Variants in CCDC61 observed in about 807,000 individuals in gnomAD.
The protein encoded by CCDC61 is centrosomal protein CCDC61.
Under a neutral mutation model 63.0 loss-of-function variants are expected in CCDC61, and 55 were observed. The ratio of observed to expected loss-of-function variants is 0.87; its 90% CI spans 0.70 to 1.09. The LOEUF (loss-of-function observed/expected upper bound fraction) is 1.09, where lower values mean the gene tolerates loss of function less well. Ranked by LOEUF, CCDC61 falls within the 50% of genes least tolerant of loss-of-function variation. The pLI is 0.00. For synonymous variants in CCDC61, 270 were observed against 317.0 expected (o/e 0.85, Z 1.58); for missense variants, 651 against 731.4 (o/e 0.89, Z 1.27).
intron 5 of CCDC61, among the ~76,000 whole-genome samples, chr19:46,010,604 C>T (rs915185567): frequency 2.8e-4 from 42 of 152,148 alleles, no homozygotes; most frequent in Admixed American, 6.5e-5. Context: ...GTCAGATGGG[C>T]AGGGGCTGAA....
chr19:46,002,907 A>T, intron 1 of CCDC61, 101 bp from the exon 2 acceptor site: 1 of 1,174,030 alleles, frequency 8.5e-7, no homozygotes, highest in Non-Finnish European at 1.2e-6. Flanking sequence ...CCAGGATGCC[A>T]CAGCTGGTAA....
At position 46,004,732 on chromosome 19, in the gene CCDC61, T is replaced by C. The variant is rs1245813949; in HGVS notation, c.231+1231T>C. ...CTCCTGCCTTGGCTTCCCAAAGTGT[T>C]GCAATTACAAGCGTGAGCCACCGTG... On this transcript the variant is annotated intron_variant, in intron 3 of 13. Coordinates refer to ENST00000595358, the MANE Select transcript of CCDC61 (RefSeq NM_001267723.2). Among the ~76,000 whole-genome samples the C allele has an allele frequency of 3.9e-5, 6 of 151,986 alleles. No individual in the cohort carries two copies. In the East Asian group the frequency reaches 1.2e-3, roughly 29 times the overall value.
intron 12 of CCDC61, 60 bp downstream of exon 12, chr19:46,017,364 C>G: frequency 6.8e-7 from 1 of 1,473,830 alleles, no homozygotes; most frequent in Non-Finnish European, 9.2e-7. Context: ...CCTGTGATTC[C>G]TTCCTGGGGA....
intron 12 of CCDC61, 143 bp downstream of exon 12, chr19:46,017,447 T>A: frequency 1.5e-6 from 1 of 653,966 alleles, no homozygotes; most frequent in Non-Finnish European, 2.5e-6. Flanking sequence ...TCTTTCAGGC[T>A]GGGGTGCAGT....
Position 46,006,821 on chromosome 19 carries a change from A to T in CCDC61, c.389+105A>T. On this transcript the variant is annotated intron_variant, in intron 4 of 13. Transcript: ENST00000595358. ...GCACCCAGGCAAGGTGATATTGGTTAAGCCTTGCCTTGGGAATCTTCCCTG... is the reference window on the plus strand; with the variant it reads ...GCACCCAGGCAAGGTGATATTGGTTTAGCCTTGCCTTGGGAATCTTCCCTG... The T allele has an allele frequency of 6.5e-6, 7 of 1,075,750 alleles. No individual in the cohort carries two copies. The South Asian group carries it at 8.2e-5, about 13-fold the overall frequency. 66.6% of individuals were successfully genotyped at this position (1,075,750 alleles called of 1,614,324 possible).
intron 5 of CCDC61, among the ~76,000 whole-genome samples, chr19:46,008,750 G>T (rs1968767512): frequency 1.3e-5 from 2 of 152,108 alleles, no homozygotes. Flanking sequence ...GTGGTGCTGG[G>T]GACATAGTGG....
chr19:46,014,915 CA>C (rs1035883855), intron 5 of CCDC61, 133 bp from the exon 6 acceptor site: 2 of 688,158 alleles, frequency 2.9e-6, no homozygotes, highest in South Asian at 2.2e-5. Flanking sequence ...TGCCCCTCCC[CA>C]TGGGGTCAGT....
chr19:46,017,084 T>C lies in CCDC61; in HGVS notation c.1310+15T>C. On this transcript the variant is annotated intron_variant, in intron 11 of 13. Transcript: ENST00000595358. ...CTCTCCAGAGGGTAAAACTTGAACT[T>C]GGGAAAAGGATCGCCTCCAAAGGGT... The C allele has an allele frequency of 6.2e-7, 1 of 1,609,574 alleles. No homozygotes were observed. The highest frequency in any genetic ancestry group is 8.5e-7 in the Non-Finnish European group (1 of 1,177,680).
At chr19:45,998,178 G>C (rs1448930317) in intron 1 of CCDC61, among the ~76,000 whole-genome samples, 1 of 152,212 alleles carries the variant, frequency 6.6e-6, no homozygotes, top group East Asian at 1.9e-4. Context: ...GCTGAACTAG[G>C]AGGGTCATGT....
At chr19:46,017,814 G>A (rs12461346) in intron 12 of CCDC61, among the ~76,000 whole-genome samples, 50,782 of 151,976 alleles carry the variant, frequency 0.33, 9,704 homozygotes, top group South Asian at 0.54. Context: ...CTTCCCAGCT[G>A]TATGGTTCAA....
chr19:46,004,105 ATT>A (rs1287519255), intron 3 of CCDC61, among the ~76,000 whole-genome samples: 4 of 151,470 alleles, frequency 2.6e-5, no homozygotes, highest in Non-Finnish European at 4.4e-5. Flanking sequence ...TGCCCGGCTA[ATT>A]TTTTGTATTT....
In CCDC61 at chr19:46,015,029, T is replaced by A; in HGVS notation, c.552-20T>A. The A allele has an allele frequency of 6.7e-7, 1 of 1,486,538 alleles. No individual in the cohort carries two copies. Among genetic ancestry groups the A allele is most frequent in the Non-Finnish European group, 8.9e-7 (1 of 1,121,770 alleles). The allele number at this position is 1,486,538 out of a possible 1,614,324, so 92.1% of individuals were successfully genotyped here. On this transcript the variant is annotated intron_variant, in intron 5 of 13. Transcript: ENST00000595358. The surrounding 1 kb of genome is among the most constrained non-coding windows in gnomAD (Gnocchi z 5.3). Reference sequence around the variant, plus strand: ...GGGGCCATGCCTCTCTCTCCAGCGCTCTCTCCGCGTCTTCCCCAGGGTGTC... The same window carrying A: ...GGGGCCATGCCTCTCTCTCCAGCGCACTCTCCGCGTCTTCCCCAGGGTGTC...
At position 46,016,806 on chromosome 19, in the gene CCDC61, A is replaced by G; in HGVS notation, c.1204A>G (p.Asn402Asp). The G allele has an allele frequency of 6.5e-7, 1 of 1,527,806 alleles. No individual in the cohort carries two copies. The highest frequency in any genetic ancestry group is 8.8e-7 in the Non-Finnish European group (1 of 1,136,444). The allele number at this position is 1,527,806 out of a possible 1,614,324, so 94.6% of individuals were successfully genotyped here. Reference protein sequence around the residue: ...AALTGRGDAPNRSRNRSSSVD... With the variant: ...AALTGRGDAPDRSRNRSSSVD... Reference sequence around the variant, plus strand: ...CTTGACTGGCCGAGGGGACGCCCCTAACCGCTCCCGAAACCGCAGCTCCTC... The same window carrying G: ...CTTGACTGGCCGAGGGGACGCCCCTGACCGCTCCCGAAACCGCAGCTCCTC... The change falls in exon 10 of 14, where the codon AAC becomes GAC. Residue 402 changes from asparagine (N) to aspartate (D), a missense_variant. Coordinates refer to ENST00000595358, the MANE Select transcript of CCDC61 (RefSeq NM_001267723.2). The surrounding 1 kb of genome is among the most constrained non-coding windows in gnomAD (Gnocchi z 7.2).
chr19:45,999,362 T>TG (rs1346355273), intron 1 of CCDC61, among the ~76,000 whole-genome samples: 20 of 50,670 alleles, frequency 3.9e-4, no homozygotes, highest in Non-Finnish European at 3.8e-5. Context: ...ACCCACGTGG[T>TG]GGGGAGGTGA....
intron 5 of CCDC61, among the ~76,000 whole-genome samples, chr19:46,012,691 A>G (rs1019157101): frequency 1.3e-5 from 2 of 151,032 alleles, no homozygotes; most frequent in Admixed American, 1.3e-4. Flanking sequence ...TCATTTCCCC[A>G]TAGCCTCCGT....
intron 5 of CCDC61, among the ~76,000 whole-genome samples, chr19:46,009,325 C>T (rs185032387): frequency 5.9e-5 from 9 of 152,146 alleles, no homozygotes; most frequent in Admixed American, 2.0e-4. Flanking sequence ...TGATCGCTAC[C>T]GGGAAGAGGC....
At chr19:46,006,787 G>GAACC (rs1264144011) in intron 4 of CCDC61, 71 bp downstream of exon 4, 12 of 1,407,584 alleles carry the variant, frequency 8.5e-6, no homozygotes, top group Non-Finnish European at 1.2e-5. Flanking sequence ...TAGGCCTTAG[G>GAACC]AACCCCTGGC....
rs144054683 is a variant in CCDC61 at position 45,998,606 on chromosome 19, C to T, written c.-12+3102C>T. Among the ~76,000 whole-genome samples, 188 of 152,222 alleles carry T rather than the reference C, an allele frequency of 1.2e-3. 1 individual carries two copies. Among genetic ancestry groups the T allele is most frequent in the African/African-American group, 4.2e-3 (174 of 41,540 alleles). On this transcript the variant is annotated intron_variant, in intron 1 of 13. Transcript: ENST00000595358. Reference sequence around the variant, plus strand: ...TAGAACCCCATTCCCTGGCATCTCCCGTTAAATTCACAAGCAGTCCCTGAA... The same window carrying T: ...TAGAACCCCATTCCCTGGCATCTCCTGTTAAATTCACAAGCAGTCCCTGAA...
rs1483828805 is a variant in CCDC61 at position 46,015,147 on chromosome 19, A to G, written c.650A>G (p.Glu217Gly). The change falls in exon 6 of 14, where the codon GAG (glutamate) becomes GGG (glycine). Residue 217 changes from glutamate (E) to glycine (G), a missense_variant. Physicochemically the swap from Glu to Gly is moderately conservative, Grantham distance 98. Coordinates refer to ENST00000595358, the MANE Select transcript of CCDC61 (RefSeq NM_001267723.2). The surrounding 1 kb of genome is among the most constrained non-coding windows in gnomAD (Gnocchi z 5.3). The part of the protein sequence containing the change: ...LAGRAARQEA[E>G]ALRGLVRGLE... ...GGGCGCGCGGCACGCCAGGAGGCCG[A>G]GGCGCTGCGCGGGCTGGTGCGCGGG... 1 of 1,271,628 alleles carries G rather than the reference A, an allele frequency of 7.9e-7. No homozygotes were observed. The allele number at this position is 1,271,628 out of a possible 1,614,324, so 78.8% of individuals were successfully genotyped here.
Sources: allele counts gnomAD v4.1 joint callset (sites outside exome capture counted in the v4.1 genomes callset), GRCh38; gene constraint gnomAD v4.1.1; non-coding constraint Gnocchi (gnomAD v3.1); transcripts MANE v1.5; gene names NCBI Gene and HGNC (gene_info 2026-07-23, HGNC 2026-07-21).